Variants in RABGAP1L observed in about 807,000 individuals in gnomAD.
RABGAP1L encodes the protein RAB GTPase activating protein 1 like.
Under a neutral mutation model 137.7 loss-of-function variants are expected in RABGAP1L, and 63 were observed. That is an observed-to-expected ratio of 0.46 (90% confidence interval 0.37 to 0.56). RABGAP1L has a LOEUF of 0.56. RABGAP1L is among the 20% of genes least tolerant of loss of function. The pLI is 0.00. For missense variants in RABGAP1L, 1,095 were observed against 1,244.0 expected, an observed-to-expected ratio of 0.88 and a Z score of 1.80; for synonymous variants, 431 against 433.7, an observed-to-expected ratio of 0.99 and a Z score of 0.08.
At chr1:174,950,145 G>T (rs183552356) in intron 19 of RABGAP1L, among the ~76,000 whole-genome samples, 1 of 152,192 alleles carries the variant, frequency 6.6e-6, no homozygotes, top group African/African-American at 2.4e-5. Context: ...TTGTATGTTA[G>T]TATGAATTCA....
chr1:174,293,359 C>G (rs1676805792), intron 10 of RABGAP1L, among the ~76,000 whole-genome samples: 1 of 152,038 alleles, frequency 6.6e-6, no homozygotes, highest in African/African-American at 2.4e-5. Context: ...TGATCCTGAT[C>G]CATGAAGAGC....
intron 13 of RABGAP1L, among the ~76,000 whole-genome samples, chr1:174,496,395 G>C (rs1485685873): frequency 6.6e-6 from 1 of 152,180 alleles, no homozygotes; most frequent in Non-Finnish European, 1.5e-5. Context: ...AGGTTCTGGA[G>C]AGAATCTGAG....
intron 11 of RABGAP1L, among the ~76,000 whole-genome samples, chr1:174,329,234 T>C (rs1213691345): frequency 6.6e-6 from 1 of 152,084 alleles, no homozygotes; most frequent in Admixed American, 6.5e-5. Context: ...TTGGATAACC[T>C]AGGAGAAATG....
intron 13 of RABGAP1L, among the ~76,000 whole-genome samples, chr1:174,430,818 T>A (rs757712882): frequency 9.9e-5 from 15 of 152,206 alleles, no homozygotes; most frequent in Admixed American, 2.6e-4. Flanking sequence ...AGATTTTGTT[T>A]TTTGTTTTTT....
At chr1:174,246,895 T>C (rs563090524) in intron 5 of RABGAP1L, among the ~76,000 whole-genome samples, 1 of 152,342 alleles carries the variant, frequency 6.6e-6, no homozygotes, top group African/African-American at 2.4e-5. Flanking sequence ...ACTCTAGAAT[T>C]CACAATATAT....
chr1:174,608,426 GTATTA>G (rs1487762783), intron 13 of RABGAP1L, among the ~76,000 whole-genome samples: 9 of 152,124 alleles, frequency 5.9e-5, no homozygotes, highest in Admixed American at 2.0e-4. Flanking sequence ...ATGTAAAAAA[GTATTA>G]TATAAGTATA....
At chr1:174,464,590 A>G (rs993996123) in intron 13 of RABGAP1L, among the ~76,000 whole-genome samples, 1 of 152,064 alleles carries the variant, frequency 6.6e-6, no homozygotes. Context: ...CATTAGTACC[A>G]CTGCCTTCTT....
At chr1:174,621,755 A>G (rs1672496213) in intron 13 of RABGAP1L, among the ~76,000 whole-genome samples, 1 of 152,202 alleles carries the variant, frequency 6.6e-6, no homozygotes, top group Non-Finnish European at 1.5e-5. Flanking sequence ...AAACCCTAGA[A>G]GAAAACCTAG....
intron 4 of RABGAP1L, among the ~76,000 whole-genome samples, chr1:174,234,092 C>T (rs1370576424): frequency 7.9e-5 from 10 of 127,382 alleles, no homozygotes; most frequent in Non-Finnish European, 1.2e-4. Context: ...TCATGTCCTT[C>T]GCCCACTTTT....
chr1:174,709,697 T>C (rs1454832652), intron 17 of RABGAP1L, among the ~76,000 whole-genome samples: 1 of 152,178 alleles, frequency 6.6e-6, no homozygotes, highest in Non-Finnish European at 1.5e-5. Context: ...AGACCAAAGA[T>C]AGATAAATCC....
chr1:174,209,856 T>C, intron 1 of RABGAP1L, among the ~76,000 whole-genome samples: 1 of 152,078 alleles, frequency 6.6e-6, no homozygotes, highest in East Asian at 1.9e-4. Flanking sequence ...GAAACAGGAG[T>C]CTTGTGTCAC....
At chr1:174,188,735 G>T (rs746688109) in intron 1 of RABGAP1L, among the ~76,000 whole-genome samples, 17 of 152,152 alleles carry the variant, frequency 1.1e-4, no homozygotes, top group Non-Finnish European at 2.2e-4. Flanking sequence ...TTCCTGAGCA[G>T]TGGGTCTCAA....
At chr1:174,191,456 T>TGGCC (rs1667204171) in intron 1 of RABGAP1L, among the ~76,000 whole-genome samples, 1 of 152,230 alleles carries the variant, frequency 6.6e-6, no homozygotes, top group Admixed American at 6.5e-5. Context: ...AAAAAAAGAT[T>TGGCC]GGCCAGTCAG....
intron 19 of RABGAP1L, among the ~76,000 whole-genome samples, chr1:174,916,851 C>A (rs1207797872): frequency 4.6e-5 from 7 of 152,212 alleles, no homozygotes; most frequent in Admixed American, 4.6e-4. Flanking sequence ...CTAAGACTTA[C>A]ATTACTAAAT....
chr1:174,875,447 G>T, intron 19 of RABGAP1L: 2 of 829,050 alleles, frequency 2.4e-6, no homozygotes, highest in Middle Eastern at 6.2e-4. Context: ...TTTGCCCCTG[G>T]GTGGTTGCCA....
chr1:174,752,716 G>C (rs1684438184), intron 18 of RABGAP1L, among the ~76,000 whole-genome samples: 1 of 152,032 alleles, frequency 6.6e-6, no homozygotes, highest in African/African-American at 2.4e-5. Flanking sequence ...AACATCTCTG[G>C]AGGTACCTAA....
chr1:174,213,606 C>T (rs1011214718), intron 1 of RABGAP1L, among the ~76,000 whole-genome samples: 2 of 152,116 alleles, frequency 1.3e-5, no homozygotes, highest in African/African-American at 4.8e-5. Context: ...AACACAGGAA[C>T]ACATTAGAAA....
Position 174,506,708 on chromosome 1 carries a change from G to A in RABGAP1L, c.1710+112563G>A, listed in dbSNP as rs563483977. On this transcript the variant is annotated intron_variant, in intron 13 of 25. Transcript: ENST00000681986. ...TATATCAAAACATCATGTTGTCTAC[G>A]CATTGGGTAAAGTGTACACTGCTTG... Among the ~76,000 whole-genome samples, 192 of 152,180 alleles carry A rather than the reference G, an allele frequency of 1.3e-3. 2 individuals carry two copies. The highest frequency in any genetic ancestry group is 2.0e-3 in the Non-Finnish European group (135 of 68,004).
At chr1:174,834,902 A>AT (rs966701301) in intron 19 of RABGAP1L, among the ~76,000 whole-genome samples, 5 of 152,164 alleles carry the variant, frequency 3.3e-5, no homozygotes, top group Admixed American at 6.5e-5. Flanking sequence ...GACCAGATTC[A>AT]TGCAGGTCCT....
Sources: allele counts gnomAD v4.1 joint callset (sites outside exome capture counted in the v4.1 genomes callset), GRCh38; gene constraint gnomAD v4.1.1; transcripts MANE v1.5; gene names NCBI Gene and HGNC (gene_info 2026-07-23, HGNC 2026-07-21).